CSMD1: variants seen among roughly 807,000 people sequenced by gnomAD.
CSMD1 encodes CUB and Sushi multiple domains 1.
CSMD1 carries 213 observed loss-of-function variants against 417.5 expected under a neutral mutation model. That is an observed-to-expected ratio of 0.51 (90% CI 0.46 to 0.57). The LOEUF is 0.57. Ranked by LOEUF, CSMD1 falls within the 20% of genes least tolerant of loss-of-function variation. CSMD1 has a pLI of 0.00. For synonymous variants in CSMD1, 2,862 were observed against 1,736.8 expected (o/e 1.65, Z -16.11); for missense variants, 6,923 against 4,529.7 (o/e 1.53, Z -15.17).
intron 10 of CSMD1, among the ~76,000 whole-genome samples, chr8:3,541,385 G>A (rs866288344): frequency 1.3e-5 from 2 of 152,126 alleles, no homozygotes; most frequent in African/African-American, 4.8e-5. Flanking sequence ...GAGGGGAGCT[G>A]GGGAGGGAGA....
chr8:3,791,315 T>TAA (rs1221779501), intron 5 of CSMD1, among the ~76,000 whole-genome samples: 3 of 152,182 alleles, frequency 2.0e-5, no homozygotes, highest in African/African-American at 7.2e-5. Context: ...TATCTGAATT[T>TAA]AAGTATAGTA....
intron 1 of CSMD1, among the ~76,000 whole-genome samples, chr8:4,823,919 G>C (rs921849858): frequency 1.3e-5 from 2 of 151,832 alleles, no homozygotes; most frequent in Admixed American, 1.3e-4. Context: ...GAAGAAAGAG[G>C]AAAGAGCATT....
At chr8:3,194,832 G>A (rs997041232) in intron 33 of CSMD1, among the ~76,000 whole-genome samples, 1 of 152,014 alleles carries the variant, frequency 6.6e-6, no homozygotes, top group Non-Finnish European at 1.5e-5. Flanking sequence ...GACCCTGGAA[G>A]AAGAAGCCTT....
At chr8:4,796,408 T>C (rs767998393) in intron 1 of CSMD1, among the ~76,000 whole-genome samples, 33 of 152,124 alleles carry the variant, frequency 2.2e-4, no homozygotes, top group Admixed American at 5.2e-4. Flanking sequence ...GCATTTACTT[T>C]AGGAAACTTG....
intron 5 of CSMD1, among the ~76,000 whole-genome samples, chr8:3,935,964 C>A (rs1047270467): frequency 6.6e-6 from 1 of 152,074 alleles, no homozygotes; most frequent in Admixed American, 6.6e-5. Context: ...AGGAAAAGTT[C>A]TTGAAATATA....
intron 3 of CSMD1, among the ~76,000 whole-genome samples, chr8:4,087,724 G>A (rs539947831): frequency 6.6e-5 from 10 of 151,818 alleles, no homozygotes; most frequent in South Asian, 4.2e-4. Context: ...ACTCTCAACC[G>A]CACCCTTTCT....
intron 3 of CSMD1, among the ~76,000 whole-genome samples, chr8:4,149,072 T>A (rs1479484645): frequency 2.0e-5 from 3 of 152,012 alleles, no homozygotes; most frequent in Non-Finnish European, 4.4e-5. Flanking sequence ...CAAGCGATTC[T>A]CCTGCCTCAG....
chr8:3,899,784 G>C (rs1807608062), intron 5 of CSMD1, among the ~76,000 whole-genome samples: 1 of 152,212 alleles, frequency 6.6e-6, no homozygotes, highest in East Asian at 1.9e-4. Flanking sequence ...GTTTTGACCT[G>C]ACTGGAAGGT....
At chr8:4,524,413 G>A (rs532149110) in intron 2 of CSMD1, among the ~76,000 whole-genome samples, 1 of 152,242 alleles carries the variant, frequency 6.6e-6, no homozygotes, top group Non-Finnish European at 1.5e-5. Context: ...TAGTATTCAA[G>A]AGTTGATTTC....
At chr8:3,481,079 C>A (rs1171791798) in intron 11 of CSMD1, among the ~76,000 whole-genome samples, 1 of 149,394 alleles carries the variant, frequency 6.7e-6, no homozygotes, top group Non-Finnish European at 1.5e-5. Context: ...TGCTTTGAAC[C>A]CAGAAGGCGG....
chr8:3,743,242 G>T (rs774804246), intron 6 of CSMD1, among the ~76,000 whole-genome samples: 1 of 152,148 alleles, frequency 6.6e-6, no homozygotes, highest in African/African-American at 2.4e-5. Flanking sequence ...TTTTGCTCAG[G>T]CATTGAAATA....
intron 3 of CSMD1, among the ~76,000 whole-genome samples, chr8:4,191,271 C>T (rs1414973050): frequency 2.0e-5 from 3 of 152,138 alleles, no homozygotes; most frequent in South Asian, 2.1e-4. Flanking sequence ...TGGCAGGCAC[C>T]TGTAGTCCCA....
Position 4,611,515 on chromosome 8 carries a change from A to T in CSMD1, c.302+25827T>A, listed in dbSNP as rs548616001. On this transcript the variant is annotated intron_variant, in intron 2 of 69. Coordinates refer to ENST00000635120, the MANE Select transcript of CSMD1 (RefSeq NM_033225.6). ...AGATATAAAACTTGTGGATAAAACTATCGCAATTTATTAAGACCCGTATAT... is the reference window on the plus strand; with the variant it reads ...AGATATAAAACTTGTGGATAAAACTTTCGCAATTTATTAAGACCCGTATAT... Among the ~76,000 whole-genome samples, 7 of 152,324 alleles carry T rather than the reference A, an allele frequency of 4.6e-5. No individual in the cohort carries two copies. In the South Asian group the frequency reaches 1.5e-3, roughly 32 times the overall value.
intron 1 of CSMD1, among the ~76,000 whole-genome samples, chr8:4,795,784 T>A (rs1412564659): frequency 6.6e-6 from 1 of 152,126 alleles, no homozygotes; most frequent in Non-Finnish European, 1.5e-5. Context: ...TCAGGTACTC[T>A]GAGTGCAATT....
chr8:4,267,637 A>G (rs1804303145), intron 3 of CSMD1, among the ~76,000 whole-genome samples: 3 of 152,046 alleles, frequency 2.0e-5, no homozygotes, highest in Admixed American at 1.3e-4. Context: ...TAATAATTAA[A>G]TACATATCTT....
In CSMD1 at chr8:3,871,071, T is replaced by A. The variant is rs190609559; in HGVS notation, c.819-117029A>T. ...TGTGTATTATTCCATGACTTACGTA[T>A]GTTAAGCCTTATTTAACAATTGTCC... On this transcript the variant is annotated intron_variant, in intron 5 of 69. Transcript: ENST00000635120. Among the ~76,000 whole-genome samples, 185 of 152,236 alleles carry A rather than the reference T, an allele frequency of 1.2e-3. 1 individual carries two copies. The highest frequency in any genetic ancestry group is 4.3e-3 in the African/African-American group (179 of 41,578).
intron 30 of CSMD1, among the ~76,000 whole-genome samples, chr8:3,206,024 A>G (rs1305933760): frequency 6.6e-6 from 1 of 152,172 alleles, no homozygotes; most frequent in East Asian, 1.9e-4. Flanking sequence ...TCACTTTTAT[A>G]TTAATATGGG....
chr8:3,844,987 G>A (rs1313199432), intron 5 of CSMD1, among the ~76,000 whole-genome samples: 1 of 152,090 alleles, frequency 6.6e-6, no homozygotes, highest in Non-Finnish European at 1.5e-5. Context: ...TGCAGATACT[G>A]CACAAACTTT....
rs574401913 is a variant in CSMD1, at chr8:3,923,102, G to C, written c.818+74801C>G. Among the ~76,000 whole-genome samples the C allele has an allele frequency of 2.0e-5, 3 of 152,136 alleles. No homozygotes were observed. The East Asian group carries it at 5.8e-4, about 29-fold the overall frequency. Reference sequence around the variant, plus strand: ...CAGTTGCGAAGGGCCCTTGTGACTGGGACTCATGCCAAACAACTCATTAAA... The same window carrying C: ...CAGTTGCGAAGGGCCCTTGTGACTGCGACTCATGCCAAACAACTCATTAAA... On this transcript the variant is annotated intron_variant, in intron 5 of 69. Transcript: ENST00000635120.
Sources: allele counts gnomAD v4.1 joint callset (sites outside exome capture counted in the v4.1 genomes callset), GRCh38; gene constraint gnomAD v4.1.1; transcripts MANE v1.5; gene names NCBI Gene and HGNC (gene_info 2026-07-23, HGNC 2026-07-21).